SGCG: variants seen among roughly 807,000 people sequenced by gnomAD.
SGCG encodes sarcoglycan gamma, also known as gamma-sarcoglycan.
Under a neutral mutation model 29.3 loss-of-function variants are expected in SGCG, and 26 were observed. The observed-to-expected ratio is 0.89, with a 90% CI of 0.65 to 1.23. SGCG has a LOEUF of 1.23. SGCG is among the 50% of genes most tolerant of loss of function. The pLI, the probability that SGCG is intolerant of heterozygous loss-of-function variation, is 0.00. For missense variants in SGCG, 353 were observed against 356.0 expected, an observed-to-expected ratio of 0.99 and a Z score of 0.07; for synonymous variants, 145 against 129.7, an observed-to-expected ratio of 1.12 and a Z score of -0.80.
At chr13:23,184,844 G>C (rs1034117180) in intron 1 of SGCG, among the ~76,000 whole-genome samples, 7 of 152,188 alleles carry the variant, frequency 4.6e-5, no homozygotes, top group African/African-American at 1.7e-4. Context: ...ATCTCAGGCT[G>C]CTTCCAGGGA....
At chr13:23,257,270 C>G (rs1880229171) in intron 4 of SGCG, among the ~76,000 whole-genome samples, 1 of 151,886 alleles carries the variant, frequency 6.6e-6, no homozygotes, top group African/African-American at 2.4e-5. Context: ...GGATATTAGC[C>G]CTTTATATAC....
intron 6 of SGCG, among the ~76,000 whole-genome samples, chr13:23,297,072 C>T (rs547078243): frequency 3.9e-5 from 6 of 152,136 alleles, no homozygotes; most frequent in Admixed American, 6.5e-5. Flanking sequence ...ACAGACAAGC[C>T]GGCTGACCAT....
At chr13:23,211,957 G>T (rs571021750) in intron 2 of SGCG, among the ~76,000 whole-genome samples, 1 of 152,252 alleles carries the variant, frequency 6.6e-6, no homozygotes, top group Admixed American at 6.5e-5. Context: ...ATGGGGGCAG[G>T]TCCTTCATGA....
intron 3 of SGCG, chr13:23,245,414 G>C (rs1393573268): frequency 6.6e-6 from 1 of 152,168 alleles, no homozygotes; most frequent in Non-Finnish European, 1.5e-5. Context: ...TTCTCCAGGA[G>C]ATCCTGGGAG....
At chr13:23,323,930 TA>T (rs1883138310) in intron 7 of SGCG, among the ~76,000 whole-genome samples, 1 of 152,184 alleles carries the variant, frequency 6.6e-6, no homozygotes, top group Non-Finnish European at 1.5e-5. Flanking sequence ...AGGATTTACA[TA>T]AAGTCAAAGT....
chr13:23,198,092 C>T (rs4371020), intron 1 of SGCG, among the ~76,000 whole-genome samples: 34,137 of 151,654 alleles, frequency 0.23, 4,183 homozygotes, highest in East Asian at 0.35. Flanking sequence ...CAGATAACTT[C>T]GAACTATTAT....
intron 6 of SGCG, among the ~76,000 whole-genome samples, chr13:23,305,679 A>G (rs1882337637): frequency 6.6e-6 from 1 of 152,228 alleles, no homozygotes; most frequent in South Asian, 2.1e-4. Flanking sequence ...GAAAGCACAT[A>G]TCAATTTCTA....
At chr13:23,177,852 T>A (rs757094541), upstream of SGCG, among the ~76,000 whole-genome samples, 19 of 152,084 alleles carry the variant, frequency 1.2e-4, no homozygotes, top group Non-Finnish European at 5.9e-5. Flanking sequence ...GTGCTAGGAT[T>A]ACAGGCATGA....
At chr13:23,278,697 A>G (rs1282853347) in intron 4 of SGCG, among the ~76,000 whole-genome samples, 1 of 152,172 alleles carries the variant, frequency 6.6e-6, no homozygotes, top group Non-Finnish European at 1.5e-5. Flanking sequence ...GCACCCACAA[A>G]ACACCTGCTG....
chr13:23,324,432 GC>G lies in SGCG; in HGVS notation c.768del (p.Ser257AlafsTer23), dbSNP rs1199421806. The G allele has an allele frequency of 6.2e-7, 1 of 1,614,122 alleles. No individual in the cohort carries two copies. Among genetic ancestry groups the G allele is most frequent in the East Asian group, 2.2e-5 (1 of 44,880 alleles). ...KLVQGTWGPS[G>X]SSQSLYEICV... ...GTGCAGGGGACGTGGGGTCCCTCTG[GC>G]AGCTCACAGAGCCTCTACGAAATCT... On this transcript the variant is annotated frameshift_variant, in exon 8 of 8. Coordinates refer to ENST00000218867, the MANE Select transcript of SGCG (RefSeq NM_000231.3). LOFTEE classifies it high-confidence loss of function.
At chr13:23,162,831 AAAATAAATAAATAAATAAT>A in the SGCG span, among the ~76,000 whole-genome samples, 1 of 152,018 alleles carries the variant, frequency 6.6e-6, no homozygotes, top group Non-Finnish European at 1.5e-5. Flanking sequence ...CTCCGTCTCA[AAAATAAATAAATAAATAAT>A]AAATAAATAA....
chr13:23,219,073 A>G (rs1593179523), intron 2 of SGCG, among the ~76,000 whole-genome samples: 1 of 148,194 alleles, frequency 6.7e-6, no homozygotes, highest in Non-Finnish European at 1.5e-5. Flanking sequence ...CTTGAGATGG[A>G]GTCTTGATCT....
chr13:23,288,571 G>A (rs775478615), intron 5 of SGCG, among the ~76,000 whole-genome samples: 5 of 152,130 alleles, frequency 3.3e-5, no homozygotes, highest in African/African-American at 4.8e-5. Flanking sequence ...TTATGGAAGC[G>A]ATTAAACAAT....
chr13:23,227,139 G>C (rs1243544157), intron 2 of SGCG, among the ~76,000 whole-genome samples: 1 of 152,124 alleles, frequency 6.6e-6, no homozygotes, highest in African/African-American at 2.4e-5. Flanking sequence ...AAAGAGGAGA[G>C]CTTAGGTAAT....
chr13:23,172,658 A>G, the SGCG span, among the ~76,000 whole-genome samples: 6,790 of 152,334 alleles, frequency 0.045, 158 homozygotes, highest in Admixed American at 0.07. Flanking sequence ...TTAATGGTTT[A>G]CTGATCATTT....
the SGCG span, among the ~76,000 whole-genome samples, chr13:23,164,411 G>A: frequency 0.019 from 2,838 of 152,240 alleles, 94 homozygotes; most frequent in African/African-American, 0.065. Context: ...TACACACTCT[G>A]CAATTAGGAC....
At chr13:23,164,755 C>G in the SGCG span, among the ~76,000 whole-genome samples, 2 of 152,158 alleles carry the variant, frequency 1.3e-5, no homozygotes, top group Non-Finnish European at 2.9e-5. Context: ...AGAAGCAATT[C>G]CATAACTCCA....
chr13:23,301,324 A>T (rs907031484), intron 6 of SGCG, among the ~76,000 whole-genome samples: 1 of 152,234 alleles, frequency 6.6e-6, no homozygotes. Context: ...GAAAAATGGC[A>T]GATTTGGGAA....
intron 2 of SGCG, 65 bp downstream of exon 2, chr13:23,203,954 T>G (rs927146080): frequency 1.3e-5 from 15 of 1,166,566 alleles, no homozygotes; most frequent in Non-Finnish European, 1.8e-5. Flanking sequence ...TAGTCTGTAT[T>G]GTATTGATAG....
Sources: allele counts gnomAD v4.1 joint callset (sites outside exome capture counted in the v4.1 genomes callset), GRCh38; gene constraint gnomAD v4.1.1; transcripts MANE v1.5; gene names NCBI Gene and HGNC (gene_info 2026-07-23, HGNC 2026-07-21).